The following KDM2B variants were observed in gnomAD, a reference collection of about 807,000 sequenced individuals.
KDM2B encodes the protein lysine demethylase 2B, also known as lysine-specific demethylase 2B.
Under a neutral mutation model 150.0 loss-of-function variants are expected in KDM2B, and 26 were observed. The ratio of observed to expected loss-of-function variants is 0.17; its 90% CI spans 0.13 to 0.24. KDM2B has a LOEUF of 0.24. Ranked by LOEUF, KDM2B falls within the 10% of genes least tolerant of loss-of-function variation. KDM2B has a pLI of 1.00. For missense variants in KDM2B, 1,265 were observed against 1,816.9 expected (o/e 0.70, Z 5.52); for synonymous variants, 734 against 729.5 (o/e 1.01, Z -0.10).
chr12:121,533,076 G>A lies in KDM2B; in HGVS notation c.778-117C>T. The A allele has an allele frequency of 2.0e-6, 2 of 1,000,714 alleles. No individual in the cohort carries two copies. Among genetic ancestry groups the A allele is most frequent in the South Asian group, 1.5e-5 (1 of 65,032 alleles). 62.0% of individuals were successfully genotyped at this position (1,000,714 alleles called of 1,614,324 possible). ...CGAGACAAGCTGTGTGTGGGGTGGG[G>A]GGTGTGGAGAGATGGCAGATCCATC... On this transcript the variant is annotated intron_variant, in intron 7 of 22. Coordinates refer to ENST00000377071, the MANE Select transcript of KDM2B (RefSeq NM_032590.5). The surrounding 1 kb of genome is among the most constrained non-coding windows in gnomAD (Gnocchi z 4.1).
the KDM2B span, among the ~76,000 whole-genome samples, chr12:121,412,406 A>G: frequency 1.3e-5 from 2 of 151,206 alleles, no homozygotes; most frequent in African/African-American, 4.9e-5. Context: ...CGCCAGGCTA[A>G]TTTTGTTTTT....
chr12:121,422,253 G>A, the KDM2B span, among the ~76,000 whole-genome samples: 2 of 152,296 alleles, frequency 1.3e-5, no homozygotes, highest in Middle Eastern at 3.4e-3. Flanking sequence ...TGGCTTGGGT[G>A]GAACACACAT....
chr12:121,536,923 G>A, intron 6 of KDM2B, among the ~76,000 whole-genome samples: 1 of 152,104 alleles, frequency 6.6e-6, no homozygotes, highest in East Asian at 1.9e-4. Flanking sequence ...CCGCAACCCC[G>A]ACCTCCCCAG....
intron 12 of KDM2B, among the ~76,000 whole-genome samples, chr12:121,484,957 T>C (rs929865578): frequency 2.0e-4 from 30 of 152,122 alleles, no homozygotes; most frequent in African/African-American, 6.0e-4. Context: ...CTAGCACCCA[T>C]ATGATTGTTG....
chr12:121,455,538 T>C (rs1878093591), intron 12 of KDM2B, among the ~76,000 whole-genome samples: 1 of 151,970 alleles, frequency 6.6e-6, no homozygotes, highest in South Asian at 2.1e-4. Flanking sequence ...TAGTGAGACC[T>C]ACAAAAAATT....
the KDM2B span, among the ~76,000 whole-genome samples, chr12:121,421,372 A>AC: frequency 0.17 from 9,283 of 53,734 alleles, 440 homozygotes; most frequent in South Asian, 0.19. Flanking sequence ...TCCCATCTCT[A>AC]AAAAAAAAAA....
chr12:121,524,449 G>A (rs976355478), intron 8 of KDM2B, among the ~76,000 whole-genome samples: 7 of 152,200 alleles, frequency 4.6e-5, no homozygotes, highest in Non-Finnish European at 1.0e-4. Context: ...CTGCTGCTGC[G>A]AGGAGGGGGC....
intron 22 of KDM2B, among the ~76,000 whole-genome samples, chr12:121,438,473 TAGAGTA>T (rs1441729912): frequency 5.3e-5 from 8 of 152,102 alleles, no homozygotes; most frequent in African/African-American, 1.9e-4. Context: ...TGCCAGCACT[TAGAGTA>T]AGACGACTCC....
intron 8 of KDM2B, among the ~76,000 whole-genome samples, chr12:121,524,472 C>A (rs28617424): frequency 0.045 from 6,845 of 152,252 alleles, 407 homozygotes; most frequent in East Asian, 0.22. Flanking sequence ...GGGATCTGCA[C>A]GCCCAGACAC....
the KDM2B span, among the ~76,000 whole-genome samples, chr12:121,410,323 G>A: frequency 2.0e-5 from 3 of 152,114 alleles, no homozygotes; most frequent in Non-Finnish European, 4.4e-5. Context: ...CGGATTACGA[G>A]GTCAGGAGTT....
intron 9 of KDM2B, chr12:121,516,798 G>A: frequency 1.5e-6 from 1 of 669,180 alleles, no homozygotes; most frequent in Non-Finnish European, 2.7e-6. Context: ...GAACTCCCAG[G>A]TCTCAAGGAC....
intron 13 of KDM2B, among the ~76,000 whole-genome samples, chr12:121,447,026 TAC>T (rs1555290487): frequency 2.0e-5 from 3 of 152,218 alleles, no homozygotes; most frequent in Admixed American, 6.5e-5. Flanking sequence ...AGCTCATTGA[TAC>T]AGTTTCAGAC....
chr12:121,424,714 AAAAAAAAAAAAG>A (rs1283037266), downstream of KDM2B, among the ~76,000 whole-genome samples: 4 of 97,876 alleles, frequency 4.1e-5, no homozygotes, highest in Non-Finnish European at 7.8e-5. Flanking sequence ...TTGTCTCAAA[AAAAAAAAAAAAG>A]AAAAAAAAGA....
At chr12:121,415,671 A>C in the KDM2B span, among the ~76,000 whole-genome samples, 1 of 152,102 alleles carries the variant, frequency 6.6e-6, no homozygotes, top group African/African-American at 2.4e-5. Flanking sequence ...CTGTTAAATA[A>C]TAGCTGAGAA....
intron 12 of KDM2B, among the ~76,000 whole-genome samples, chr12:121,475,487 A>C (rs1477871111): frequency 3.3e-5 from 5 of 151,830 alleles, no homozygotes; most frequent in Non-Finnish European, 5.9e-5. Flanking sequence ...CCAGCTACTC[A>C]AGAGGCTGAG....
At chr12:121,516,647 A>G in intron 9 of KDM2B, 1 of 737,206 alleles carries the variant, frequency 1.4e-6, no homozygotes, top group Non-Finnish European at 2.2e-6. Context: ...CAATGCTCCC[A>G]GCCTGCAGGT....
At chr12:121,465,208 C>G (rs1296792464) in intron 12 of KDM2B, among the ~76,000 whole-genome samples, 2 of 151,946 alleles carry the variant, frequency 1.3e-5, no homozygotes, top group African/African-American at 4.8e-5. Flanking sequence ...ACAGTGAATA[C>G]AGGTTTGTTT....
intron 4 of KDM2B, among the ~76,000 whole-genome samples, chr12:121,562,439 G>C (rs569182745): frequency 1.3e-5 from 2 of 152,226 alleles, no homozygotes; most frequent in Admixed American, 1.3e-4. Flanking sequence ...AGCTGAGATG[G>C]GGTCACTGTA....
At chr12:121,479,466 C>CAAAA (rs368195967) in intron 12 of KDM2B, among the ~76,000 whole-genome samples, 1 of 139,656 alleles carries the variant, frequency 7.2e-6, no homozygotes, top group African/African-American at 2.6e-5. Context: ...GACCCTGTCT[C>CAAAA]AAAAAAAAAA....
Sources: gnomAD v4.1 joint callset for allele counts (sites outside exome capture counted in the v4.1 genomes callset) on GRCh38, gnomAD v4.1.1 for gene constraint, Gnocchi (gnomAD v3.1) non-coding constraint, MANE v1.5 for transcripts, NCBI Gene and HGNC (gene_info 2026-07-23, HGNC 2026-07-21) for gene names.